The following RBM43 variants were observed in gnomAD, a reference collection of about 807,000 sequenced individuals.
RBM43 encodes the protein RNA-binding protein 43.
A neutral mutation model predicts 12.4 loss-of-function variants in RBM43; 12 were observed. That is an observed-to-expected ratio of 0.97 (90% confidence interval 0.62 to 1.57). The LOEUF (loss-of-function observed/expected upper bound fraction) is 1.57. Among genes scored for constraint, RBM43 ranks in the 40% most tolerant of loss-of-function variants. RBM43 has a pLI of 0.00. For missense variants in RBM43, 348 were observed against 400.1 expected (o/e 0.87, Z 1.11); for synonymous variants, 138 against 145.7 (o/e 0.95, Z 0.38).
chr2:151,251,454 T>C lies in RBM43; in HGVS notation c.526A>G (p.Lys176Glu). Residue 176 changes from lysine (K) to glutamate (E), a missense_variant, in exon 4 of 4, where the codon AAA becomes GAA. Coordinates refer to ENST00000331426, the MANE Select transcript of RBM43 (RefSeq NM_198557.3). ...LLARACSLLE[K>E]DRNFTSEERK... ...TCCTCACTGGTAAAATTTCTGTCTT[T>C]TTCTAAGAGAGAACATGCTCTTGCT... 6.2e-7 allele frequency: 1 copy of C among 1,614,206 alleles called. No homozygotes were observed. Among genetic ancestry groups the C allele is most frequent in the Non-Finnish European group, 8.5e-7 (1 of 1,180,016 alleles).
At chr2:151,261,519 G>T (rs1424469568) in intron 1 of RBM43, 18 of 1,548,982 alleles carry the variant, frequency 1.2e-5, no homozygotes, top group Non-Finnish European at 1.5e-5. Flanking sequence ...CCTGGGAAGG[G>T]TGCAGCGAGG....
intron 1 of RBM43, among the ~76,000 whole-genome samples, chr2:151,259,470 AC>A (rs1683019459): frequency 6.6e-6 from 1 of 152,046 alleles, no homozygotes; most frequent in Non-Finnish European, 1.5e-5. Context: ...ACATAGTGAA[AC>A]GCCATCTCTA....
At chr2:151,254,124 C>A (rs1449072989) in intron 2 of RBM43, among the ~76,000 whole-genome samples, 2 of 151,714 alleles carry the variant, frequency 1.3e-5, no homozygotes, top group Non-Finnish European at 2.9e-5. Context: ...AATAAAGCAC[C>A]AAACATATTA....
chr2:151,261,603 G>T, intron 1 of RBM43, 122 bp downstream of exon 1: 1 of 1,536,798 alleles, frequency 6.5e-7, no homozygotes. Context: ...TCCGTGCGCC[G>T]CCCCCTCCCG....
intron 1 of RBM43, among the ~76,000 whole-genome samples, chr2:151,260,196 G>C (rs1410377273): frequency 2.0e-5 from 3 of 151,698 alleles, no homozygotes; most frequent in East Asian, 1.9e-4. Context: ...CGTGATCTTG[G>C]CTCCCTGCAA....
Position 151,249,193 on chromosome 2 carries a change from G to A in RBM43, c.*1713C>T. The stretch of plus-strand genomic sequence containing the variant: ...CAATGATTCTCCATGAGGTGAGTCA[G>A]CTTTGTATCCCACTTCTGACACCAT... On this transcript the variant is annotated 3_prime_UTR_variant, in exon 4 of 4. Transcript: ENST00000331426. 6.6e-6 allele frequency: 1 copy of A among 152,270 alleles called. No individual in the cohort carries two copies. The allele number at this position is 152,270 out of a possible 1,614,324, so 9.4% of individuals were successfully genotyped here.
intron 2 of RBM43, among the ~76,000 whole-genome samples, chr2:151,253,428 T>G (rs1407373818): frequency 6.6e-6 from 1 of 152,194 alleles, no homozygotes; most frequent in African/African-American, 2.4e-5. Context: ...CTCTACCTCA[T>G]TATCCTAATA....
chr2:151,257,311 AACACACACAC>A (rs71403150), intron 1 of RBM43, among the ~76,000 whole-genome samples: 2 of 150,710 alleles, frequency 1.3e-5, no homozygotes, highest in Non-Finnish European at 3.0e-5. Context: ...TGCGTGCACA[AACACACACAC>A]ACACACACAC....
At chr2:151,258,847 A>T (rs1683008625) in intron 1 of RBM43, among the ~76,000 whole-genome samples, 2 of 152,086 alleles carry the variant, frequency 1.3e-5, no homozygotes, top group South Asian at 2.1e-4. Context: ...ATTTTAAGTA[A>T]ATTATGGAAT....
rs1301789318 is a variant in RBM43 at position 151,255,535 on chromosome 2, T to C, written c.212A>G (p.Lys71Arg). 1 of 1,596,746 alleles carries C rather than the reference T, an allele frequency of 6.3e-7. No individual in the cohort carries two copies. Among genetic ancestry groups the C allele is most frequent in the Admixed American group, 1.7e-5 (1 of 58,210 alleles). The stretch of plus-strand genomic sequence containing the variant: ...ACAAAAATTTGACTTGGAAATACCT[T>C]TTTTTTCTTTGAATATTACATATGC... ...GVAYVIFKEKKVAENVIRQKK... is the reference protein window; with the variant it reads ...GVAYVIFKEKRVAENVIRQKK... The change falls in exon 2 of 4, where the codon AAA (lysine) becomes AGA (arginine). Residue 71 changes from lysine to arginine, a missense_variant and splice_region_variant. By Grantham distance (26) the Lys-to-Arg change is conservative. Coordinates refer to ENST00000331426, the MANE Select transcript of RBM43 (RefSeq NM_198557.3).
intron 3 of RBM43, 36 bp from the exon 4 acceptor site, chr2:151,251,700 C>A: frequency 1.3e-6 from 2 of 1,558,572 alleles, no homozygotes; most frequent in Admixed American, 2.0e-5. Context: ...AACAGTACTG[C>A]CTAGTGGGAA....
Position 151,252,775 on chromosome 2 carries a change from C to T in RBM43, c.295G>A (p.Val99Ile), listed in dbSNP as rs199588272. ...CTTACCTTGTCACCAAAATGAGAGA[C>T]TCTGAGAGAGACTGTGAGTTCAGCA... The part of the protein sequence containing the change: ...RHAELTVSLR[V>I]SHFGDKIFSS... The change falls in exon 3 of 4, where the codon GTC (valine) becomes ATC (isoleucine). Residue 99 changes from valine to isoleucine, a missense_variant. Physicochemically the swap from Val to Ile is conservative, Grantham distance 29. Transcript: ENST00000331426. The T allele has an allele frequency of 2.9e-4, 469 of 1,602,276 alleles. 4 individuals carry two copies. The highest frequency in any genetic ancestry group is 2.5e-3 in the Middle Eastern group (15 of 6,040).
intron 2 of RBM43, 79 bp downstream of exon 2, chr2:151,255,454 G>T: frequency 3.0e-6 from 3 of 1,010,928 alleles, no homozygotes; most frequent in Admixed American, 2.1e-5. Context: ...CAATTCCGTG[G>T]ATCATTTTAA....
rs780002568 is a variant in RBM43 at position 151,248,905 on chromosome 2, T to C, written c.*2001A>G. ...AGCCTTCTCCAAAGAAAGGGAAAAA[T>C]TCCCTCATCCAAGCCTCAAGGTCCA... On this transcript the variant is annotated 3_prime_UTR_variant, in exon 4 of 4. Coordinates refer to ENST00000331426, the MANE Select transcript of RBM43 (RefSeq NM_198557.3). 4 of 152,022 alleles carry C rather than the reference T, an allele frequency of 2.6e-5. No homozygotes were observed. The highest frequency in any genetic ancestry group is 5.9e-5 in the Non-Finnish European group (4 of 68,008). 9.4% of individuals were successfully genotyped at this position (152,022 alleles called of 1,614,324 possible). A position where few individuals can be genotyped will look rare whatever the true frequency, so the allele number is the denominator to read the frequency against.
At chr2:151,256,735 C>T (rs1682980673) in intron 1 of RBM43, among the ~76,000 whole-genome samples, 1 of 152,216 alleles carries the variant, frequency 6.6e-6, no homozygotes, top group Non-Finnish European at 1.5e-5. Flanking sequence ...AGGAGAATCA[C>T]TTGAACCCAG....
chr2:151,253,408 C>G (rs1682931203), intron 2 of RBM43, among the ~76,000 whole-genome samples: 1 of 152,190 alleles, frequency 6.6e-6, no homozygotes, highest in Non-Finnish European at 1.5e-5. Context: ...TCCCTTCTGC[C>G]TGTAGAACTC....
chr2:151,256,833 A>AAACC (rs997013235), intron 1 of RBM43, among the ~76,000 whole-genome samples: 2 of 152,232 alleles, frequency 1.3e-5, no homozygotes, highest in East Asian at 1.9e-4. Flanking sequence ...ATAAATAAAC[A>AAACC]AACCAACCAA....
At chr2:151,256,692 G>T (rs372408232) in intron 1 of RBM43, among the ~76,000 whole-genome samples, 1 of 152,086 alleles carries the variant, frequency 6.6e-6, no homozygotes, top group Non-Finnish European at 1.5e-5. Context: ...GATGGCGGGC[G>T]CCTGTAATCC....
chr2:151,259,151 GAAGA>G (rs1383104876), intron 1 of RBM43, among the ~76,000 whole-genome samples: 1 of 142,328 alleles, frequency 7.0e-6, no homozygotes, highest in African/African-American at 2.5e-5. Context: ...AAAAAAAAAG[GAAGA>G]AAGAAAGGAA....
Sources: allele counts gnomAD v4.1 joint callset (sites outside exome capture counted in the v4.1 genomes callset), GRCh38; gene constraint gnomAD v4.1.1; transcripts MANE v1.5; gene names NCBI Gene and HGNC (gene_info 2026-07-23, HGNC 2026-07-21).